PIGU: variants seen among roughly 807,000 people sequenced by gnomAD.
PIGU encodes phosphatidylinositol glycan anchor biosynthesis class U.
A neutral mutation model predicts 49.9 loss-of-function variants in PIGU; 24 were observed. That is an observed-to-expected ratio of 0.48 (90% confidence interval 0.35 to 0.68). PIGU has a LOEUF of 0.68. PIGU is among the 30% of genes least tolerant of loss of function. The probability of loss-of-function intolerance (pLI) is 0.01; values close to 1 mark genes in which losing one functional copy is unlikely to be tolerated. For synonymous variants in PIGU, 220 were observed against 205.7 expected (o/e 1.07, Z -0.59); for missense variants, 490 against 532.6 (o/e 0.92, Z 0.79).
chr20:34,563,156 G>A (rs952553019), intron 11 of PIGU, among the ~76,000 whole-genome samples: 1 of 152,180 alleles, frequency 6.6e-6, no homozygotes, highest in Admixed American at 6.5e-5. Context: ...CGTACACATG[G>A]AAAAGTAAGC....
At chr20:34,564,401 CTT>C (rs2146688708) in intron 11 of PIGU, among the ~76,000 whole-genome samples, 1 of 152,342 alleles carries the variant, frequency 6.6e-6, no homozygotes, top group South Asian at 2.1e-4. Context: ...GGAATGGTGG[CTT>C]GTGCCTGTAA....
intron 9 of PIGU, 86 bp from the exon 10 acceptor site, chr20:34,581,758 A>C: frequency 6.7e-7 from 1 of 1,497,692 alleles, no homozygotes; most frequent in Non-Finnish European, 9.1e-7. Context: ...CTTTGAACCA[A>C]AAATAATCCT....
intron 11 of PIGU, among the ~76,000 whole-genome samples, chr20:34,569,507 A>C (rs779362018): frequency 3.3e-5 from 5 of 152,202 alleles, no homozygotes; most frequent in Admixed American, 6.5e-5. Context: ...TTGGGATTAC[A>C]GGCACGAGCT....
intron 6 of PIGU, among the ~76,000 whole-genome samples, chr20:34,619,970 T>TA (rs1555799665): frequency 1.3e-5 from 2 of 152,196 alleles, no homozygotes; most frequent in African/African-American, 4.8e-5. Context: ...GATCCACCCC[T>TA]GGAGCATTTA....
Position 34,585,481 on chromosome 20 carries a change from C to T in PIGU, c.882G>A (p.Gln294=). Residue 294 remains glutamine (Q), a synonymous_variant, in exon 9 of 12, where the codon CAG becomes CAA. Transcript: ENST00000217446. ...HFSLFFVCVF[Q]INVFFYTIPL... The stretch of plus-strand genomic sequence containing the variant: ...GGATGGTGTAGAAGAAGACGTTGAT[C>T]TGAAACACACATACAAAGAAGAGGC... 1 of 1,614,082 alleles carries T rather than the reference C, an allele frequency of 6.2e-7. No individual in the cohort carries two copies. Among genetic ancestry groups the T allele is most frequent in the Admixed American group, 1.7e-5 (1 of 60,020 alleles).
At chr20:34,632,044 T>C (rs1268760373) in intron 6 of PIGU, among the ~76,000 whole-genome samples, 1 of 151,498 alleles carries the variant, frequency 6.6e-6, no homozygotes, top group Admixed American at 6.6e-5. Context: ...TCTCACTACG[T>C]TGCCCAGGCT....
intron 6 of PIGU, among the ~76,000 whole-genome samples, chr20:34,617,344 T>C (rs1463336328): frequency 6.6e-6 from 1 of 152,128 alleles, no homozygotes; most frequent in Non-Finnish European, 1.5e-5. Flanking sequence ...GGCTATACCC[T>C]GCAAAGCCAC....
chr20:34,634,000 C>T (rs1985877016), intron 6 of PIGU, among the ~76,000 whole-genome samples: 1 of 152,152 alleles, frequency 6.6e-6, no homozygotes, highest in Non-Finnish European at 1.5e-5. Flanking sequence ...AAAGTAGTTG[C>T]TTCAAAGAAG....
intron 8 of PIGU, among the ~76,000 whole-genome samples, chr20:34,586,001 AC>A (rs1480887211): frequency 6.6e-6 from 1 of 151,764 alleles, no homozygotes; most frequent in Non-Finnish European, 1.5e-5. Flanking sequence ...CCCCATTCTT[AC>A]TCCACACCCC....
chr20:34,660,613 C>T (rs1187557301), intron 1 of PIGU, among the ~76,000 whole-genome samples: 1 of 152,124 alleles, frequency 6.6e-6, no homozygotes, highest in Non-Finnish European at 1.5e-5. Flanking sequence ...AAAGCATAAC[C>T]TCAGTCTAAC....
At position 34,665,192 on chromosome 20, in the gene PIGU, ATTTTTTTTTTT is replaced by A. The variant is rs1171497892; in HGVS notation, c.131-7959_131-7949del. Among the ~76,000 whole-genome samples, 343 of 59,606 alleles carry A rather than the reference ATTTTTTTTTTT, an allele frequency of 5.8e-3. 3 individuals carry two copies. The highest frequency in any genetic ancestry group is 0.024 in the African/African-American group (325 of 13,402). 39.1% of individuals were successfully genotyped at this position (59,606 alleles called of 152,430 possible). On this transcript the variant is annotated intron_variant, in intron 1 of 11. Transcript: ENST00000217446. ...AGATGCACACCACCATGTATGGCCA[ATTTTTTTTTTT>A]TTTTTTTTTTTTTTTTTTGAGACTG...
chr20:34,581,494 G>C (rs1451882264), intron 10 of PIGU, 54 bp downstream of exon 10: 1 of 1,603,956 alleles, frequency 6.2e-7, no homozygotes, highest in African/African-American at 1.3e-5. Flanking sequence ...CCCTGCAGCA[G>C]TCTCATCCAG....
chr20:34,594,146 C>T lies in PIGU; in HGVS notation c.628-5539G>A, dbSNP rs1984102100. Among the ~76,000 whole-genome samples the T allele has an allele frequency of 2.0e-5, 3 of 152,192 alleles. No homozygotes were observed. The South Asian group carries it at 6.2e-4, about 31-fold the overall frequency. On this transcript the variant is annotated intron_variant, in intron 7 of 11. Coordinates refer to ENST00000217446, the MANE Select transcript of PIGU (RefSeq NM_080476.5). ...GAGCTGTGATCGTGCCACTGCACTC[C>T]AGCCTGGGCTGCAGAGTGAGACCCT...
chr20:34,588,208 C>T (rs1289776945), intron 8 of PIGU, among the ~76,000 whole-genome samples: 2 of 151,976 alleles, frequency 1.3e-5, no homozygotes, highest in African/African-American at 4.8e-5. Flanking sequence ...GCGGAGATGG[C>T]CCCACTGCAC....
chr20:34,651,936 C>T (rs1054247005), intron 2 of PIGU, among the ~76,000 whole-genome samples: 1 of 151,812 alleles, frequency 6.6e-6, no homozygotes. Context: ...AGACCCCCCC[C>T]ATCTCTACAA....
intron 6 of PIGU, among the ~76,000 whole-genome samples, chr20:34,631,562 T>G (rs1206267991): frequency 6.7e-6 from 1 of 148,432 alleles, no homozygotes; most frequent in Non-Finnish European, 1.5e-5. Context: ...CTTCTCCTTT[T>G]TTTTTTTTTG....
chr20:34,586,668 G>A (rs56924014), intron 8 of PIGU, among the ~76,000 whole-genome samples: 4,732 of 152,248 alleles, frequency 0.031, 254 homozygotes, highest in South Asian at 0.23. Flanking sequence ...AGCCTGGCAC[G>A]CAGAGGGCAT....
intron 9 of PIGU, among the ~76,000 whole-genome samples, chr20:34,581,912 G>A (rs916457755): frequency 6.6e-6 from 1 of 152,238 alleles, no homozygotes; most frequent in Non-Finnish European, 1.5e-5. Context: ...AGCCCACAGA[G>A]ACATTTCCCA....
At chr20:34,631,462 T>C (rs1985706026) in intron 6 of PIGU, among the ~76,000 whole-genome samples, 1 of 151,528 alleles carries the variant, frequency 6.6e-6, no homozygotes, top group African/African-American at 2.4e-5. Context: ...TACCAAGTGC[T>C]CAGCATAATG....
Sources: gnomAD v4.1 joint callset for allele counts (sites outside exome capture counted in the v4.1 genomes callset) on GRCh38, gnomAD v4.1.1 for gene constraint, MANE v1.5 for transcripts, NCBI Gene and HGNC (gene_info 2026-07-23, HGNC 2026-07-21) for gene names.